NAV2: variants seen among roughly 807,000 people sequenced by gnomAD.
NAV2 encodes helicase, APC down-regulated 1.
A neutral mutation model predicts 223.2 loss-of-function variants in NAV2; 54 were observed. The ratio of observed to expected loss-of-function variants is 0.24; its 90% CI spans 0.19 to 0.30. The LOEUF is 0.30. Ranked by LOEUF, NAV2 falls within the 10% of genes least tolerant of loss-of-function variation. The pLI, the probability that NAV2 is intolerant of heterozygous loss-of-function variation, is 1.00. For missense variants in NAV2, 2,806 were observed against 3,147.5 expected, an observed-to-expected ratio of 0.89 and a Z score of 2.60; for synonymous variants, 1,279 against 1,239.3, an observed-to-expected ratio of 1.03 and a Z score of -0.67.
chr11:19,377,345 C>G (rs1741771172), intron 1 of NAV2, among the ~76,000 whole-genome samples: 1 of 152,174 alleles, frequency 6.6e-6, no homozygotes, highest in African/African-American at 2.4e-5. Context: ...GCTCTTTCTT[C>G]TGCCTGGAAA....
At chr11:20,103,626 C>G in intron 33 of NAV2, 27 bp from the exon 34 acceptor site, 1 of 1,612,014 alleles carries the variant, frequency 6.2e-7, no homozygotes. Context: ...GGAATCACAG[C>G]TTTCTTTTCC....
chr11:19,399,869 C>T (rs1490605815), intron 1 of NAV2, among the ~76,000 whole-genome samples: 1 of 152,152 alleles, frequency 6.6e-6, no homozygotes, highest in Non-Finnish European at 1.5e-5. Context: ...TGGGATGGCT[C>T]TAGGAGTACG....
intron 1 of NAV2, among the ~76,000 whole-genome samples, chr11:19,780,156 G>A (rs2056617384): frequency 6.6e-6 from 1 of 152,236 alleles, no homozygotes; most frequent in Non-Finnish European, 1.5e-5. Context: ...GCAGGGGAAT[G>A]TCAGAAATGC....
chr11:19,846,529 G>A (rs2060821269), intron 3 of NAV2, among the ~76,000 whole-genome samples: 1 of 152,204 alleles, frequency 6.6e-6, no homozygotes, highest in African/African-American at 2.4e-5. Context: ...CAGAAGTTCA[G>A]CCATGAAATT....
chr11:19,538,401 G>T (rs1447221240), intron 1 of NAV2, among the ~76,000 whole-genome samples: 1 of 151,920 alleles, frequency 6.6e-6, no homozygotes, highest in African/African-American at 2.4e-5. Context: ...AGTACAGTGG[G>T]GCAGTCATGA....
intron 1 of NAV2, among the ~76,000 whole-genome samples, chr11:19,636,136 C>G (rs2047493262): frequency 6.6e-6 from 1 of 152,206 alleles, no homozygotes; most frequent in African/African-American, 2.4e-5. Flanking sequence ...ATTTTGTTAG[C>G]TTTTGGAGAA....
At chr11:19,977,981 T>C (rs1409208879) in intron 10 of NAV2, among the ~76,000 whole-genome samples, 1 of 95,750 alleles carries the variant, frequency 1.0e-5, no homozygotes, top group Non-Finnish European at 2.7e-5. Flanking sequence ...ATTTTGTTTT[T>C]TTTTGTTTTT....
intron 1 of NAV2, among the ~76,000 whole-genome samples, chr11:19,623,758 C>T (rs559060726): frequency 4.6e-5 from 7 of 152,350 alleles, no homozygotes; most frequent in African/African-American, 1.7e-4. Context: ...ACCTTCTTCT[C>T]TCAACTCGTC....
At chr11:19,654,692 A>T (rs2048068298) in intron 1 of NAV2, among the ~76,000 whole-genome samples, 1 of 152,258 alleles carries the variant, frequency 6.6e-6, no homozygotes, top group Admixed American at 6.5e-5. Flanking sequence ...AGCCATATGT[A>T]GAAAGCTGAA....
At chr11:19,721,499 A>G (rs915370704) in intron 1 of NAV2, among the ~76,000 whole-genome samples, 19 of 152,332 alleles carry the variant, frequency 1.2e-4, no homozygotes, top group African/African-American at 4.6e-4. Context: ...AAGCAATCAG[A>G]TAAGTTTAGA....
intron 1 of NAV2, among the ~76,000 whole-genome samples, chr11:19,797,148 G>A (rs988740733): frequency 2.6e-5 from 4 of 152,112 alleles, no homozygotes; most frequent in South Asian, 2.1e-4. Flanking sequence ...GGGCCTGGTC[G>A]GCATGAGAAA....
chr11:19,615,226 A>G (rs1162143296), intron 1 of NAV2, among the ~76,000 whole-genome samples: 1 of 151,628 alleles, frequency 6.6e-6, no homozygotes, highest in Non-Finnish European at 1.5e-5. Flanking sequence ...TATATCATAC[A>G]TATGATATAT....
At chr11:20,026,991 A>G (rs1304466957) in intron 11 of NAV2, among the ~76,000 whole-genome samples, 1 of 152,246 alleles carries the variant, frequency 6.6e-6, no homozygotes, top group Non-Finnish European at 1.5e-5. Context: ...TATGTAGTGC[A>G]GTTAGCACAG....
At chr11:19,630,491 G>A (rs1228853148) in intron 1 of NAV2, among the ~76,000 whole-genome samples, 1 of 152,158 alleles carries the variant, frequency 6.6e-6, no homozygotes, top group Non-Finnish European at 1.5e-5. Flanking sequence ...AAGGCAAAAG[G>A]GAAAGAAGAC....
chr11:19,908,340 A>T (rs35802034), intron 6 of NAV2, among the ~76,000 whole-genome samples: 26,003 of 151,902 alleles, frequency 0.17, 2,525 homozygotes, highest in East Asian at 0.43. Context: ...AGGAGGGTAT[A>T]CTGAGCTTTT....
chr11:19,680,810 G>T (rs2048861142), intron 1 of NAV2, among the ~76,000 whole-genome samples: 1 of 152,182 alleles, frequency 6.6e-6, no homozygotes, highest in Non-Finnish European at 1.5e-5. Context: ...TTCTGCTCAG[G>T]AATGAGCTCA....
chr11:20,081,059 A>G (rs1483155504), intron 25 of NAV2, among the ~76,000 whole-genome samples: 1 of 152,174 alleles, frequency 6.6e-6, no homozygotes, highest in East Asian at 1.9e-4. Context: ...TAGTAGCTTC[A>G]GTGTCCTCAT....
In NAV2 at chr11:19,713,608, G is replaced by C; in HGVS notation, c.-88G>C. ...GGCGCCTCGTGGGCTAAGGCCCGGC[G>C]CCTGCTCTGCTACCCGCGCTGCCTT... is the stretch of plus-strand genomic sequence containing the variant. On this transcript the variant is annotated 5_prime_UTR_variant, in exon 1 of 38. Coordinates refer to ENST00000349880, the MANE Select transcript of NAV2 (RefSeq NM_145117.5). This position sits in a 1 kb window ranked among gnomAD's most constrained non-coding sequence, Gnocchi z 7.2. 6.9e-7 allele frequency: 1 copy of C among 1,451,402 alleles called. No individual in the cohort carries two copies. The highest frequency in any genetic ancestry group is 9.1e-7 in the Non-Finnish European group (1 of 1,101,440). 89.9% of individuals were successfully genotyped at this position (1,451,402 alleles called of 1,614,324 possible).
intron 1 of NAV2, among the ~76,000 whole-genome samples, chr11:19,378,149 G>A (rs886171444): frequency 2.0e-5 from 3 of 152,166 alleles, no homozygotes; most frequent in Non-Finnish European, 2.9e-5. Context: ...GATGCGTACC[G>A]CAAACACATT....
Sources: allele counts gnomAD v4.1 joint callset (sites outside exome capture counted in the v4.1 genomes callset), GRCh38; gene constraint gnomAD v4.1.1; non-coding constraint Gnocchi (gnomAD v3.1); transcripts MANE v1.5; gene names NCBI Gene and HGNC (gene_info 2026-07-23, HGNC 2026-07-21).